The following CABLES1 variants were observed in gnomAD, a reference collection of about 807,000 sequenced individuals.
CABLES1 encodes the protein Cdk5 and Abl enzyme substrate 1.
A neutral mutation model predicts 57.8 loss-of-function variants in CABLES1; 36 were observed. That is an observed-to-expected ratio of 0.62 (90% confidence interval 0.48 to 0.82). The LOEUF (loss-of-function observed/expected upper bound fraction) is 0.82, where lower values mean the gene tolerates loss of function less well. CABLES1 is among the 40% of genes least tolerant of loss of function. The probability of loss-of-function intolerance (pLI) is 0.00; values close to 1 mark genes in which losing one functional copy is unlikely to be tolerated. For synonymous variants in CABLES1, 374 were observed against 363.0 expected (o/e 1.03, Z -0.35); for missense variants, 767 against 836.6 (o/e 0.92, Z 1.03).
intron 4 of CABLES1, 53 bp from the exon 5 acceptor site, chr18:23,234,555 C>A: frequency 7.8e-7 from 1 of 1,288,750 alleles, no homozygotes; most frequent in Non-Finnish European, 1.1e-6. Flanking sequence ...ATCCTCATGG[C>A]TCTTTGAGGT....
chr18:23,188,422 A>G (rs908149387), intron 1 of CABLES1, among the ~76,000 whole-genome samples: 114 of 152,276 alleles, frequency 7.5e-4, no homozygotes, highest in African/African-American at 2.6e-3. Context: ...CAGATTTAAT[A>G]TTTATCAGTT....
chr18:23,219,593 T>A (rs1487881857), intron 4 of CABLES1, among the ~76,000 whole-genome samples: 1 of 152,138 alleles, frequency 6.6e-6, no homozygotes, highest in Non-Finnish European at 1.5e-5. Context: ...ACACTCAGCA[T>A]CCAGACCACT....
At chr18:23,217,388 A>G (rs2047449995) in intron 4 of CABLES1, among the ~76,000 whole-genome samples, 1 of 152,144 alleles carries the variant, frequency 6.6e-6, no homozygotes, top group African/African-American at 2.4e-5. Flanking sequence ...CAGCTAGAAG[A>G]GGATTTTTTT....
intron 2 of CABLES1, among the ~76,000 whole-genome samples, chr18:23,191,906 T>TAAAAAAAAAAAAAAA (rs147984743): frequency 1.2e-5 from 1 of 82,630 alleles, no homozygotes; most frequent in African/African-American, 4.9e-5. Flanking sequence ...GTTGAATGCT[T>TAAAAAAAAAAAAAAA]AAAAAAAAAA....
rs912516704 is a variant in CABLES1, at chr18:23,241,753, C to T, written c.1446+4508C>T. ...AGCCATGATGTAGCTGAATGTTTAT[C>T]TTTGTGCGTGTGTGTCCTAAGTGTA... On this transcript the variant is annotated intron_variant, in intron 7 of 9. Transcript: ENST00000256925. 2.0e-5 allele frequency among the ~76,000 whole-genome samples: 3 copies of T among 152,162 alleles called. No individual in the cohort carries two copies. In the East Asian group the frequency reaches 5.8e-4, roughly 29 times the overall value.
At position 23,258,125 on chromosome 18, in the gene CABLES1, G is replaced by A. The variant is rs1442135346; in HGVS notation, c.*758G>A. ...AGGGGATAAAGAAGGCGAGTTCTGA[G>A]TGTTGGATGAGTCAGTCGCGTGGAA... On this transcript the variant is annotated 3_prime_UTR_variant, in exon 10 of 10. Coordinates refer to ENST00000256925, the MANE Select transcript of CABLES1 (RefSeq NM_001100619.3). 2 of 152,378 alleles carry A rather than the reference G, an allele frequency of 1.3e-5. No individual in the cohort carries two copies. Among genetic ancestry groups the A allele is most frequent in the South Asian group, 4.1e-4 (2 of 4,832 alleles). The allele number at this position is 152,378 out of a possible 1,614,324, so 9.4% of individuals were successfully genotyped here. A position where few individuals can be genotyped will look rare whatever the true frequency, so the allele number is the denominator to read the frequency against.
Position 23,136,351 on chromosome 18 carries a change from C to A in CABLES1, c.589C>A (p.Leu197Ile). ...PLAACAQLQLLDGSGAAGQEE... is the reference protein window; with the variant it reads ...PLAACAQLQLIDGSGAAGQEE... ...CGCCGCCTGTGCCCAACTGCAGCTG[C>A]TCGACGGGTCCGGGGCCGCCGGGCA... Residue 197 changes from leucine (L) to isoleucine (I), a missense_variant, in exon 1 of 10, where the codon CTC (leucine) becomes ATC (isoleucine). Physicochemically the swap from Leu to Ile is conservative, Grantham distance 5 (BLOSUM62 2). Coordinates refer to ENST00000256925, the MANE Select transcript of CABLES1 (RefSeq NM_001100619.3). 2 of 1,478,744 alleles carry A rather than the reference C, an allele frequency of 1.4e-6. No individual in the cohort carries two copies. The highest frequency in any genetic ancestry group is 1.3e-5 in the South Asian group (1 of 74,810). The allele number at this position is 1,478,744 out of a possible 1,614,324, so 91.6% of individuals were successfully genotyped here.
chr18:23,238,826 C>T (rs1308218217), intron 7 of CABLES1, among the ~76,000 whole-genome samples: 1 of 152,236 alleles, frequency 6.6e-6, no homozygotes, highest in Non-Finnish European at 1.5e-5. Flanking sequence ...AGGCTGTTTT[C>T]ACGTTGCCCA....
chr18:23,164,657 CTTT>C (rs11400807), intron 1 of CABLES1, among the ~76,000 whole-genome samples: 1 of 144,400 alleles, frequency 6.9e-6, no homozygotes. Context: ...CACACTAAAG[CTTT>C]TTTTTTTTTT....
intron 3 of CABLES1, chr18:23,198,130 T>C (rs2047298024): frequency 6.6e-6 from 1 of 152,050 alleles, no homozygotes. Context: ...CACGGTGGCA[T>C]GCGACTGTGG....
At chr18:23,181,680 A>G (rs2145005537) in intron 1 of CABLES1, among the ~76,000 whole-genome samples, 1 of 152,248 alleles carries the variant, frequency 6.6e-6, no homozygotes, top group Middle Eastern at 3.4e-3. Context: ...GCTGTTGGCC[A>G]AGCATGGTCC....
intron 1 of CABLES1, among the ~76,000 whole-genome samples, chr18:23,180,229 G>GT (rs555686701): frequency 2.2e-4 from 33 of 152,010 alleles, no homozygotes; most frequent in African/African-American, 6.3e-4. Context: ...CCAACAGTTT[G>GT]TTTTTTTTAA....
At chr18:23,178,056 A>G (rs914603135) in intron 1 of CABLES1, among the ~76,000 whole-genome samples, 8 of 152,118 alleles carry the variant, frequency 5.3e-5, no homozygotes, top group African/African-American at 1.9e-4. Flanking sequence ...TTTTATTTCT[A>G]GTGGTTTTCC....
chr18:23,203,250 A>T (rs369022381), intron 3 of CABLES1, among the ~76,000 whole-genome samples: 2 of 152,154 alleles, frequency 1.3e-5, no homozygotes, highest in East Asian at 1.9e-4. Flanking sequence ...AGATGGCTTC[A>T]TGTGCCCTGG....
At chr18:23,154,691 T>C (rs1026171795) in intron 1 of CABLES1, among the ~76,000 whole-genome samples, 1 of 152,220 alleles carries the variant, frequency 6.6e-6, no homozygotes, top group South Asian at 2.1e-4. Flanking sequence ...ATTTGAACTT[T>C]AGAGAATTGA....
chr18:23,165,463 C>A (rs2047035789), intron 1 of CABLES1, among the ~76,000 whole-genome samples: 1 of 152,078 alleles, frequency 6.6e-6, no homozygotes, highest in Non-Finnish European at 1.5e-5. Context: ...TGCATCCACT[C>A]TCCGGAACCC....
At chr18:23,172,898 A>AT (rs928687012) in intron 1 of CABLES1, among the ~76,000 whole-genome samples, 57 of 152,326 alleles carry the variant, frequency 3.7e-4, no homozygotes, top group African/African-American at 1.2e-3. Context: ...AGCACCTCGG[A>AT]TTGGGGTATT....
At chr18:23,231,837 G>T (rs905851900) in intron 4 of CABLES1, among the ~76,000 whole-genome samples, 1 of 152,042 alleles carries the variant, frequency 6.6e-6, no homozygotes, top group Admixed American at 6.6e-5. Context: ...TGGAAGAGGC[G>T]CGACTGGTTT....
In CABLES1 at chr18:23,258,931, T is replaced by G. The variant is rs1335984264; in HGVS notation, c.*1564T>G. 1 of 151,786 alleles carries G rather than the reference T, an allele frequency of 6.6e-6. No homozygotes were observed. Among genetic ancestry groups the G allele is most frequent in the African/African-American group, 2.4e-5 (1 of 41,254 alleles). 9.4% of individuals were successfully genotyped at this position (151,786 alleles called of 1,614,324 possible). A position where few individuals can be genotyped will look rare whatever the true frequency, so the allele number is the denominator to read the frequency against. On this transcript the variant is annotated 3_prime_UTR_variant, in exon 10 of 10. Transcript: ENST00000256925. The stretch of plus-strand genomic sequence containing the variant: ...TCAGAATCTTAGATTGCACTGAGTT[T>G]AGTCCTAAATATTTTGCTAACAAAT...
Sources: gnomAD v4.1 joint callset for allele counts (sites outside exome capture counted in the v4.1 genomes callset) on GRCh38, gnomAD v4.1.1 for gene constraint, MANE v1.5 for transcripts, NCBI Gene and HGNC (gene_info 2026-07-23, HGNC 2026-07-21) for gene names.